The following SH3BGRL2 variants were observed in gnomAD, a reference collection of about 807,000 sequenced individuals.
SH3BGRL2 encodes SH3 domain binding glutamate rich protein like 2.
In SH3BGRL2, 21 loss-of-function variants were observed where a neutral mutation model predicts 14.8. The ratio of observed to expected loss-of-function variants is 1.42; its 90% CI spans 1.01 to 2.05. The LOEUF (loss-of-function observed/expected upper bound fraction) is 2.05. Ranked by LOEUF, SH3BGRL2 falls within the 30% of genes most tolerant of loss-of-function variation. The pLI is 0.00. For synonymous variants in SH3BGRL2, 50 were observed against 47.8 expected, an observed-to-expected ratio of 1.05 and a Z score of -0.19; for missense variants, 147 against 130.8, an observed-to-expected ratio of 1.12 and a Z score of -0.61.
At chr6:79,587,822 G>C in the SH3BGRL2 span, among the ~76,000 whole-genome samples, 1 of 152,220 alleles carries the variant, frequency 6.6e-6, no homozygotes, top group East Asian at 1.9e-4. Context: ...ATAGGTCTGA[G>C]AGCCTATATG....
In SH3BGRL2 at chr6:79,702,586, G is replaced by A. The variant is rs1770483418; in HGVS notation, c.*3077G>A. Reference sequence around the variant, plus strand: ...TTTAGTTCTGTTTAGTTGAGAGGCTGTGATTTTACTCTTGCCTGTGAACCT... The same window carrying A: ...TTTAGTTCTGTTTAGTTGAGAGGCTATGATTTTACTCTTGCCTGTGAACCT... On this transcript the variant is annotated 3_prime_UTR_variant, in exon 4 of 4. Transcript: ENST00000369838. 1.3e-5 allele frequency: 2 copies of A among 152,198 alleles called. No homozygotes were observed. The highest frequency in any genetic ancestry group is 1.3e-4 in the Admixed American group (2 of 15,284). 9.4% of individuals were successfully genotyped at this position (152,198 alleles called of 1,614,324 possible). A position where few individuals can be genotyped will look rare whatever the true frequency, so the allele number is the denominator to read the frequency against.
At chr6:79,609,382 T>C in the SH3BGRL2 span, among the ~76,000 whole-genome samples, 1 of 152,210 alleles carries the variant, frequency 6.6e-6, no homozygotes, top group Non-Finnish European at 1.5e-5. Context: ...TGGTCATGCC[T>C]GATGCTGGCT....
chr6:79,573,966 A>G, the SH3BGRL2 span: 3 of 152,172 alleles, frequency 2.0e-5, no homozygotes, highest in East Asian at 3.9e-4. Context: ...ATTACTAGGT[A>G]CAAGATTCTA....
chr6:79,684,509 G>C (rs1484566003), intron 2 of SH3BGRL2, among the ~76,000 whole-genome samples: 3 of 152,000 alleles, frequency 2.0e-5, no homozygotes, highest in Non-Finnish European at 4.4e-5. Flanking sequence ...AACAAACATG[G>C]TTATATGAAT....
At chr6:79,599,628 C>A in the SH3BGRL2 span, among the ~76,000 whole-genome samples, 1 of 152,186 alleles carries the variant, frequency 6.6e-6, no homozygotes, top group African/African-American at 2.4e-5. Context: ...TATACCAGCT[C>A]TTTTAATTAC....
At chr6:79,563,356 C>G in the SH3BGRL2 span, among the ~76,000 whole-genome samples, 4 of 151,872 alleles carry the variant, frequency 2.6e-5, no homozygotes, top group South Asian at 4.2e-4. Context: ...CGTTAACCCC[C>G]CCGCCTCGGC....
At chr6:79,612,332 C>T in the SH3BGRL2 span, among the ~76,000 whole-genome samples, 3 of 152,060 alleles carry the variant, frequency 2.0e-5, no homozygotes, top group Non-Finnish European at 4.4e-5. Flanking sequence ...AAAACCTCAC[C>T]ATCCATGGGA....
chr6:79,612,222 A>G, the SH3BGRL2 span, among the ~76,000 whole-genome samples: 17 of 152,032 alleles, frequency 1.1e-4, no homozygotes, highest in Non-Finnish European at 2.1e-4. Flanking sequence ...AATCACTTGA[A>G]CTCAGGAGGT....
At chr6:79,647,792 G>T (rs983477830) in intron 1 of SH3BGRL2, among the ~76,000 whole-genome samples, 1 of 152,066 alleles carries the variant, frequency 6.6e-6, no homozygotes, top group Admixed American at 6.6e-5. Context: ...AAAGTTAAAA[G>T]ACCTAAATAT....
chr6:79,600,818 C>T, the SH3BGRL2 span, among the ~76,000 whole-genome samples: 1 of 152,130 alleles, frequency 6.6e-6, no homozygotes, highest in Non-Finnish European at 1.5e-5. Context: ...CTTCTTTTGC[C>T]ACTAAATCAT....
chr6:79,643,374 T>C (rs1480728785), intron 1 of SH3BGRL2, among the ~76,000 whole-genome samples: 1 of 152,142 alleles, frequency 6.6e-6, no homozygotes, highest in Non-Finnish European at 1.5e-5. Flanking sequence ...TAACAGTGTC[T>C]GAGCTCAAGC....
At chr6:79,682,888 A>T (rs1227210127) in intron 2 of SH3BGRL2, among the ~76,000 whole-genome samples, 1 of 152,210 alleles carries the variant, frequency 6.6e-6, no homozygotes, top group Non-Finnish European at 1.5e-5. Context: ...AGATGAGTTC[A>T]TGTTCTTTGC....
the SH3BGRL2 span, among the ~76,000 whole-genome samples, chr6:79,564,214 G>T: frequency 6.6e-6 from 1 of 151,846 alleles, no homozygotes; most frequent in Non-Finnish European, 1.5e-5. Flanking sequence ...AAACTTCTGG[G>T]CAGTACCAAC....
chr6:79,610,818 C>T, the SH3BGRL2 span, among the ~76,000 whole-genome samples: 163 of 152,338 alleles, frequency 1.1e-3, no homozygotes, highest in Non-Finnish European at 1.7e-3. Flanking sequence ...GCACAGTCCC[C>T]ATCCTTGTCC....
At chr6:79,672,395 A>T (rs1171263975) in intron 1 of SH3BGRL2, among the ~76,000 whole-genome samples, 1 of 152,234 alleles carries the variant, frequency 6.6e-6, no homozygotes, top group Non-Finnish European at 1.5e-5. Context: ...ACAAGCAAAT[A>T]TAAATGCGTT....
intron 1 of SH3BGRL2, among the ~76,000 whole-genome samples, chr6:79,634,078 G>C (rs1768876277): frequency 6.6e-6 from 1 of 152,176 alleles, no homozygotes; most frequent in South Asian, 2.1e-4. Flanking sequence ...CCACAAGGAA[G>C]GGATGTGACC....
At chr6:79,646,334 A>G (rs772954974) in intron 1 of SH3BGRL2, among the ~76,000 whole-genome samples, 11 of 152,224 alleles carry the variant, frequency 7.2e-5, no homozygotes, top group Non-Finnish European at 1.6e-4. Flanking sequence ...TTAAATGACT[A>G]GTTCAAGTCT....
chr6:79,597,317 GAGAAA>G, the SH3BGRL2 span, among the ~76,000 whole-genome samples: 965 of 144,706 alleles, frequency 6.7e-3, 12 homozygotes, highest in Middle Eastern at 0.018. Flanking sequence ...AAGAAAGAAA[GAGAAA>G]AGAAAAGAAA....
the SH3BGRL2 span, among the ~76,000 whole-genome samples, chr6:79,625,185 T>A: frequency 5.0e-3 from 718 of 144,664 alleles, 9 homozygotes; most frequent in African/African-American, 0.017. Context: ...TTAAAAAAAA[T>A]ATATATATAC....
Sources: allele counts gnomAD v4.1 joint callset (sites outside exome capture counted in the v4.1 genomes callset), GRCh38; gene constraint gnomAD v4.1.1; transcripts MANE v1.5; gene names NCBI Gene and HGNC (gene_info 2026-07-23, HGNC 2026-07-21).